Variants in SHANK2 observed in about 807,000 individuals in gnomAD.
The protein encoded by SHANK2 is SH3 and multiple ankyrin repeat domains 2, also known as SH3 and multiple ankyrin repeat domains protein 2.
Under a neutral mutation model 133.7 loss-of-function variants are expected in SHANK2, and 43 were observed. The ratio of observed to expected loss-of-function variants is 0.32; its 90% CI spans 0.25 to 0.41. The LOEUF is 0.41. Ranked by LOEUF, SHANK2 falls within the 10% of genes least tolerant of loss-of-function variation. The probability of loss-of-function intolerance (pLI) is 1.00; values close to 1 mark genes in which losing one functional copy is unlikely to be tolerated. For synonymous variants in SHANK2, 1,017 were observed against 952.8 expected (o/e 1.07, Z -1.24); for missense variants, 1,994 against 2,235.8 (o/e 0.89, Z 2.18).
chr11:70,924,122 T>C (rs1175497877), intron 10 of SHANK2, among the ~76,000 whole-genome samples: 1 of 152,056 alleles, frequency 6.6e-6, no homozygotes, highest in African/African-American at 2.4e-5. Flanking sequence ...CATAAAACCT[T>C]TGCTTTCAAA....
intron 5 of SHANK2, among the ~76,000 whole-genome samples, chr11:71,112,542 G>A (rs572252979): frequency 1.3e-5 from 2 of 152,266 alleles, no homozygotes; most frequent in African/African-American, 4.8e-5. Flanking sequence ...GCCCTCAAAG[G>A]GAAGCGCTTC....
chr11:70,618,900 A>G (rs953069412), intron 17 of SHANK2, among the ~76,000 whole-genome samples: 1 of 152,202 alleles, frequency 6.6e-6, no homozygotes, highest in Non-Finnish European at 1.5e-5. Flanking sequence ...AGGCGTATCC[A>G]GGGCAGGCGA....
At chr11:71,210,655 A>C (rs1303390650) in intron 2 of SHANK2, among the ~76,000 whole-genome samples, 1 of 152,114 alleles carries the variant, frequency 6.6e-6, no homozygotes, top group African/African-American at 2.4e-5. Context: ...AATCCACTGC[A>C]GCTGGAGACC....
At chr11:70,551,421 CA>C (rs1471568929) in intron 17 of SHANK2, among the ~76,000 whole-genome samples, 1 of 151,414 alleles carries the variant, frequency 6.6e-6, no homozygotes, top group African/African-American at 2.4e-5. Context: ...GCAGAATTCT[CA>C]AAACATTCCT....
intron 11 of SHANK2, among the ~76,000 whole-genome samples, chr11:70,859,959 A>G (rs1949232265): frequency 1.3e-5 from 2 of 152,158 alleles, no homozygotes; most frequent in African/African-American, 4.8e-5. Context: ...AATGACTTCT[A>G]AATTCAGCTT....
rs1590847146 is a variant in SHANK2, at chr11:70,932,885, A to G, written c.1108-36318T>C. Among the ~76,000 whole-genome samples, 3 of 152,366 alleles carry G rather than the reference A, an allele frequency of 2.0e-5. No homozygotes were observed. In the East Asian group the frequency reaches 5.8e-4, roughly 29 times the overall value. On this transcript the variant is annotated intron_variant, in intron 10 of 25. Transcript: ENST00000601538. ...ATTACAAGTGCTGGTGAGAATGTGGAGAGACTGGAACTCTTGCACACTGTG... is the reference window on the plus strand; with the variant it reads ...ATTACAAGTGCTGGTGAGAATGTGGGGAGACTGGAACTCTTGCACACTGTG...
Position 70,500,868 on chromosome 11 carries a change from C to G in SHANK2, c.2288-278G>C, listed in dbSNP as rs900709120. 5.3e-5 allele frequency: 36 copies of G among 681,380 alleles called. No homozygotes were observed. The highest frequency in any genetic ancestry group is 5.1e-4 in the South Asian group (33 of 65,238). 42.2% of individuals were successfully genotyped at this position (681,380 alleles called of 1,614,324 possible). ...GGGCTTTCCTTCTTCCTCAGCACCCCTTGTCCCACCAGCACCCTGCCAAAG... is the reference window on the plus strand; with the variant it reads ...GGGCTTTCCTTCTTCCTCAGCACCCGTTGTCCCACCAGCACCCTGCCAAAG... On this transcript the variant is annotated intron_variant, in intron 20 of 25. Coordinates refer to ENST00000601538, the MANE Select transcript of SHANK2 (RefSeq NM_012309.5). This position sits in a 1 kb window ranked among gnomAD's most constrained non-coding sequence, Gnocchi z 4.5.
At chr11:70,779,746 G>A (rs1421879809) in intron 14 of SHANK2, among the ~76,000 whole-genome samples, 1 of 152,166 alleles carries the variant, frequency 6.6e-6, no homozygotes, top group African/African-American at 2.4e-5. Flanking sequence ...CGTCCCTGCT[G>A]AAGGCATATC....
intron 11 of SHANK2, among the ~76,000 whole-genome samples, chr11:70,881,408 C>T (rs1555072371): frequency 1.3e-5 from 2 of 151,858 alleles, no homozygotes; most frequent in Non-Finnish European, 2.9e-5. Flanking sequence ...AAGATAGACA[C>T]AAATCTTAAA....
chr11:70,547,280 A>T (rs1204287599), intron 17 of SHANK2, among the ~76,000 whole-genome samples: 2 of 152,138 alleles, frequency 1.3e-5, no homozygotes, highest in Non-Finnish European at 2.9e-5. Context: ...CTTTTTTTTG[A>T]GACAGAGTCT....
intron 1 of SHANK2, among the ~76,000 whole-genome samples, chr11:71,246,565 G>C (rs1467413868): frequency 1.3e-5 from 2 of 152,148 alleles, no homozygotes; most frequent in African/African-American, 4.8e-5. Context: ...CTTGCAGGGG[G>C]CTTCAAACTG....
At chr11:71,065,848 T>A in intron 9 of SHANK2, among the ~76,000 whole-genome samples, 1 of 93,380 alleles carries the variant, frequency 1.1e-5, no homozygotes, top group Admixed American at 1.5e-4. Context: ...TACAGAACTC[T>A]CCCAGGGAGA....
chr11:70,574,664 GAGA>G (rs35153005), intron 17 of SHANK2, among the ~76,000 whole-genome samples: 62,589 of 151,790 alleles, frequency 0.41, 13,601 homozygotes, highest in East Asian at 0.75. Flanking sequence ...GGAGCAGGAA[GAGA>G]AGGAGGGGCT....
intron 2 of SHANK2, among the ~76,000 whole-genome samples, chr11:71,164,591 G>A (rs192449703): frequency 7.8e-4 from 119 of 152,318 alleles, no homozygotes; most frequent in African/African-American, 2.4e-3. Context: ...ACTGTGTCTA[G>A]GAACTGGGAA....
intron 2 of SHANK2, among the ~76,000 whole-genome samples, chr11:71,161,231 T>C (rs1953007884): frequency 6.6e-6 from 1 of 152,222 alleles, no homozygotes; most frequent in African/African-American, 2.4e-5. Context: ...AGCAATAAGA[T>C]ACCAAATTCC....
chr11:71,163,097 C>CATAT (rs11271716), intron 2 of SHANK2, among the ~76,000 whole-genome samples: 1,824 of 100,074 alleles, frequency 0.018, 176 homozygotes, highest in Admixed American at 0.033. Flanking sequence ...AAAAAAAATA[C>CATAT]ATATATATAT....
At chr11:70,881,426 C>G (rs1236941778) in intron 11 of SHANK2, among the ~76,000 whole-genome samples, 1 of 151,832 alleles carries the variant, frequency 6.6e-6, no homozygotes, top group East Asian at 1.9e-4. Flanking sequence ...AAAACAATGG[C>G]TAATGGGGTT....
intron 10 of SHANK2, among the ~76,000 whole-genome samples, chr11:70,953,319 GT>G (rs1950872868): frequency 6.6e-6 from 1 of 152,086 alleles, no homozygotes; most frequent in East Asian, 2.0e-4. Flanking sequence ...AGGAAAGGGA[GT>G]TTTTTAAGGG....
At chr11:70,545,046 G>C (rs543688485) in intron 17 of SHANK2, among the ~76,000 whole-genome samples, 15 of 152,320 alleles carry the variant, frequency 9.8e-5, no homozygotes, top group African/African-American at 3.6e-4. Context: ...CTTGGAAGAG[G>C]ATGGGCCGGT....
Sources: gnomAD v4.1 joint callset for allele counts (sites outside exome capture counted in the v4.1 genomes callset) on GRCh38, gnomAD v4.1.1 for gene constraint, Gnocchi (gnomAD v3.1) non-coding constraint, MANE v1.5 for transcripts, NCBI Gene and HGNC (gene_info 2026-07-23, HGNC 2026-07-21) for gene names.